The following UVSSA variants were observed in gnomAD, a reference collection of about 807,000 sequenced individuals.
The protein encoded by UVSSA is UV-stimulated scaffold protein A.
In UVSSA, 72 loss-of-function variants were observed where a neutral mutation model predicts 73.9. The observed-to-expected ratio is 0.97, with a 90% CI of 0.81 to 1.19. The LOEUF is 1.19. Among genes scored for constraint, UVSSA ranks in the 50% most tolerant of loss-of-function variants. UVSSA has a pLI of 0.00. For missense variants in UVSSA, 1,150 were observed against 965.0 expected (o/e 1.19, Z -2.54); for synonymous variants, 454 against 391.3 (o/e 1.16, Z -1.89).
chr4:1,373,923 C>A (rs1372447204), intron 8 of UVSSA, among the ~76,000 whole-genome samples: 1 of 152,216 alleles, frequency 6.6e-6, no homozygotes, highest in Non-Finnish European at 1.5e-5. Flanking sequence ...TCAGGATCCC[C>A]TCACTTCCTG....
At chr4:1,356,227 C>T (rs1349744993) in intron 7 of UVSSA, among the ~76,000 whole-genome samples, 1 of 152,044 alleles carries the variant, frequency 6.6e-6, no homozygotes, top group Non-Finnish European at 1.5e-5. Context: ...CACTGTGCTC[C>T]TTGCTGAGGA....
chr4:1,355,026 G>T, intron 6 of UVSSA, 91 bp from the exon 7 acceptor site: 1 of 1,563,624 alleles, frequency 6.4e-7, no homozygotes, highest in Non-Finnish European at 8.7e-7. Flanking sequence ...GGACCCCCCG[G>T]GCCAGTGGAC....
intron 11 of UVSSA, 167 bp from the exon 12 acceptor site, chr4:1,380,713 C>T: frequency 6.5e-7 from 1 of 1,545,896 alleles, no homozygotes; most frequent in Non-Finnish European, 8.7e-7. Context: ...CTGTGGCTCT[C>T]AGGACGCCCT....
intron 7 of UVSSA, among the ~76,000 whole-genome samples, chr4:1,357,576 G>C (rs919789519): frequency 6.6e-6 from 1 of 152,220 alleles, no homozygotes; most frequent in African/African-American, 2.4e-5. Context: ...CTCTAATTCA[G>C]CGCGGCCACG....
Position 1,381,853 on chromosome 4 carries a change from A to G in UVSSA, c.1861+865A>G, listed in dbSNP as rs552447118. Among the ~76,000 whole-genome samples the G allele has an allele frequency of 5.3e-4, 81 of 152,062 alleles. 1 individual carries two copies. Among genetic ancestry groups the G allele is most frequent in the African/African-American group, 1.8e-3 (76 of 41,486 alleles). ...GACTAATTTTTGTATTTTTATTTTT[A>G]GTAGAGGTGGGGTGGCACTGTATTG... is the stretch of plus-strand genomic sequence containing the variant. On this transcript the variant is annotated intron_variant, in intron 12 of 13. Transcript: ENST00000389851.
rs1720117403 is a variant in UVSSA at position 1,386,373 on chromosome 4, A to G, written c.*412A>G. 5.6e-6 allele frequency: 1 copy of G among 177,682 alleles called. No homozygotes were observed. The highest frequency in any genetic ancestry group is 5.5e-5 in the Admixed American group (1 of 18,178). 11.0% of individuals were successfully genotyped at this position (177,682 alleles called of 1,614,324 possible). ...CTCTGGGAAACCCACTTTTGTGCAA[A>G]TGCTGTTTTTAACACAAACACAAAG... is the stretch of plus-strand genomic sequence containing the variant. On this transcript the variant is annotated 3_prime_UTR_variant, in exon 14 of 14. Transcript: ENST00000389851.
At chr4:1,379,476 G>A (rs894522590) in intron 10 of UVSSA, among the ~76,000 whole-genome samples, 9 of 144,358 alleles carry the variant, frequency 6.2e-5, no homozygotes, top group African/African-American at 1.8e-4. Context: ...GGGAGCGGAC[G>A]CACCTGGGAC....
chr4:1,343,742 G>A (rs1297816139), upstream of UVSSA, among the ~76,000 whole-genome samples: 3 of 151,990 alleles, frequency 2.0e-5, no homozygotes, highest in African/African-American at 7.3e-5. Flanking sequence ...AGCCAAGATC[G>A]CACCATTGCA....
chr4:1,352,702 G>T (rs138539017), intron 4 of UVSSA, among the ~76,000 whole-genome samples: 2 of 152,254 alleles, frequency 1.3e-5, no homozygotes, highest in East Asian at 3.8e-4. Flanking sequence ...CTGTCATCCC[G>T]GCACTTTGGG....
In UVSSA at chr4:1,370,418, C is replaced by T. The variant is rs570555352; in HGVS notation, c.1288+3987C>T. Among the ~76,000 whole-genome samples the T allele has an allele frequency of 7.2e-5, 11 of 152,348 alleles. No individual in the cohort carries two copies. In the South Asian group the frequency reaches 8.3e-4, roughly 11 times the overall value. On this transcript the variant is annotated intron_variant, in intron 8 of 13. Transcript: ENST00000389851. Reference sequence around the variant, plus strand: ...GGCTGCCCGGTGTCTCCCGGGTGCGCGCCTCGGGGCTGGAGGTCCGTCCCC... The same window carrying T: ...GGCTGCCCGGTGTCTCCCGGGTGCGTGCCTCGGGGCTGGAGGTCCGTCCCC...
chr4:1,363,862 T>G (rs1716969802), intron 7 of UVSSA, among the ~76,000 whole-genome samples: 2 of 152,270 alleles, frequency 1.3e-5, no homozygotes, highest in Admixed American at 6.5e-5. Context: ...TTCCAGTGAT[T>G]AATGTCTCCT....
intron 8 of UVSSA, among the ~76,000 whole-genome samples, chr4:1,373,206 T>C (rs1193192231): frequency 6.6e-6 from 1 of 152,248 alleles, no homozygotes; most frequent in Admixed American, 6.5e-5. Context: ...AGCTAATTTA[T>C]ATGACCACAA....
intron 5 of UVSSA, among the ~76,000 whole-genome samples, chr4:1,353,834 G>A (rs1046172715): frequency 1.3e-5 from 2 of 152,176 alleles, no homozygotes; most frequent in African/African-American, 4.8e-5. Context: ...CGCCATGAGG[G>A]GTCAGGTAGC....
chr4:1,348,270 A>T, intron 2 of UVSSA, 81 bp downstream of exon 2: 1 of 1,120,672 alleles, frequency 8.9e-7, no homozygotes, highest in Non-Finnish European at 1.3e-6. Flanking sequence ...TCCTGCCCCC[A>T]CCTGGGAGAG....
chr4:1,359,745 G>A (rs1004088568), intron 7 of UVSSA, among the ~76,000 whole-genome samples: 4 of 151,968 alleles, frequency 2.6e-5, no homozygotes, highest in Non-Finnish European at 2.9e-5. Context: ...TTTCTCTGTC[G>A]GCCGCCTGCC....
chr4:1,345,379 T>C (rs1289125686), upstream of UVSSA, among the ~76,000 whole-genome samples: 3 of 151,846 alleles, frequency 2.0e-5, no homozygotes, highest in Non-Finnish European at 1.5e-5. Context: ...GCACGGTGGC[T>C]CACGCCTGTA....
chr4:1,364,808 G>T (rs1577331603), intron 7 of UVSSA, among the ~76,000 whole-genome samples: 1 of 152,092 alleles, frequency 6.6e-6, no homozygotes, highest in South Asian at 2.1e-4. Flanking sequence ...CCACCCTGGG[G>T]GCATGACCTT....
chr4:1,373,565 A>G (rs188836812), intron 8 of UVSSA, among the ~76,000 whole-genome samples: 7 of 152,172 alleles, frequency 4.6e-5, no homozygotes, highest in Non-Finnish European at 1.0e-4. Flanking sequence ...GTCTCGGGCC[A>G]TGGTGTTCTT....
At chr4:1,343,872 C>G (rs1713516715), upstream of UVSSA, among the ~76,000 whole-genome samples, 1 of 152,182 alleles carries the variant, frequency 6.6e-6, no homozygotes, top group African/African-American at 2.4e-5. Flanking sequence ...GAAGAGCATC[C>G]TATAACAGTT....
Sources: allele counts gnomAD v4.1 joint callset (sites outside exome capture counted in the v4.1 genomes callset), GRCh38; gene constraint gnomAD v4.1.1; transcripts MANE v1.5; gene names NCBI Gene and HGNC (gene_info 2026-07-23, HGNC 2026-07-21).